Variants in NOTCH1 observed in about 807,000 individuals in gnomAD.
The protein encoded by NOTCH1 is notch receptor 1.
Under a neutral mutation model 254.8 loss-of-function variants are expected in NOTCH1, and 37 were observed. That is an observed-to-expected ratio of 0.15 (90% CI 0.11 to 0.19). NOTCH1 has a LOEUF of 0.19. Ranked by LOEUF, NOTCH1 falls within the 10% of genes least tolerant of loss-of-function variation. The pLI is 1.00. For missense variants in NOTCH1, 2,972 were observed against 3,708.6 expected (o/e 0.80, Z 5.16); for synonymous variants, 1,731 against 1,618.1 (o/e 1.07, Z -1.68).
intron 2 of NOTCH1, among the ~76,000 whole-genome samples, chr9:136,528,298 C>T (rs1367400533): frequency 7.1e-6 from 1 of 140,684 alleles, no homozygotes; most frequent in African/African-American, 2.7e-5. Flanking sequence ...GGCTCTGCAC[C>T]CGCCACAGGA....
At chr9:136,537,670 C>T (rs755979470) in intron 2 of NOTCH1, among the ~76,000 whole-genome samples, 9 of 152,248 alleles carry the variant, frequency 5.9e-5, no homozygotes, top group Non-Finnish European at 1.2e-4. Flanking sequence ...GTGGTGCACA[C>T]CTGTGGTCCC....
intron 17 of NOTCH1, 111 bp from the exon 18 acceptor site, chr9:136,510,072 C>A: frequency 9.8e-7 from 1 of 1,017,644 alleles, no homozygotes; most frequent in Non-Finnish European, 1.5e-6. Flanking sequence ...GTTGCCGAGG[C>A]TGCGGCAAGC....
At chr9:136,528,290 C>G (rs1193819330) in intron 2 of NOTCH1, among the ~76,000 whole-genome samples, 7 of 139,174 alleles carry the variant, frequency 5.0e-5, no homozygotes. Context: ...ATGTGGCTGG[C>G]TCTGCACCCG....
At position 136,540,340 on chromosome 9, in the gene NOTCH1, G is replaced by C. The variant is rs1220127751; in HGVS notation, c.140+3684C>G. On this transcript the variant is annotated intron_variant, in intron 2 of 33. Coordinates refer to ENST00000651671, the MANE Select transcript of NOTCH1 (RefSeq NM_017617.5). The surrounding 1 kb of genome is among the most constrained non-coding windows in gnomAD (Gnocchi z 4.4). Reference sequence around the variant, plus strand: ...TGTCTGTGAACTGGAGCCACCCTGGGAGATGGACTTCCCCGGAGCTGGAGC... The same window carrying C: ...TGTCTGTGAACTGGAGCCACCCTGGCAGATGGACTTCCCCGGAGCTGGAGC... Among the ~76,000 whole-genome samples, 2 of 152,148 alleles carry C rather than the reference G, an allele frequency of 1.3e-5. No homozygotes were observed. The highest frequency in any genetic ancestry group is 4.8e-5 in the African/African-American group (2 of 41,442).
intron 26 of NOTCH1, 30 bp downstream of exon 26, chr9:136,504,643 G>A (rs1481061554): frequency 1.3e-6 from 2 of 1,486,148 alleles, no homozygotes; most frequent in African/African-American, 1.4e-5. Context: ...GAGTTGCGGG[G>A]ATTGACCGTG....
At chr9:136,509,213 A>T in intron 18 of NOTCH1, 142 bp from the exon 19 acceptor site, 1 of 801,014 alleles carries the variant, frequency 1.2e-6, no homozygotes, top group Non-Finnish European at 2.0e-6. Context: ...AGCCTGGCTG[A>T]CCCAGGGAGG....
rs2133317761 is a variant in NOTCH1 at position 136,497,126 on chromosome 9, A to G, written c.6613T>C (p.Ser2205Pro). The change falls in exon 34 of 34, where the codon TCA becomes CCA. Residue 2205 changes from serine to proline, a missense_variant. Physicochemically the swap from Ser to Pro is moderately conservative, Grantham distance 74. Around this residue, in one of 8 missense-constraint regions of NOTCH1, gnomAD observed 529 missense variants for 529.2 expected, o/e 1.00. Coordinates refer to ENST00000651671, the MANE Select transcript of NOTCH1 (RefSeq NM_017617.5). ...GMLSPVDSLESPHGYLSDVAS... is the reference protein window; with the variant it reads ...GMLSPVDSLEPPHGYLSDVAS... Reference sequence around the variant, plus strand: ...ACGTCTGACAGGTAGCCATGGGGTGACTCCAGGGAGTCCACGGGCGAGAGC... The same window carrying G: ...ACGTCTGACAGGTAGCCATGGGGTGGCTCCAGGGAGTCCACGGGCGAGAGC... 1 of 1,612,334 alleles carries G rather than the reference A, an allele frequency of 6.2e-7. No homozygotes were observed. The highest frequency in any genetic ancestry group is 8.5e-7 in the Non-Finnish European group (1 of 1,179,748).
intron 2 of NOTCH1, among the ~76,000 whole-genome samples, chr9:136,542,255 G>A (rs1263104350): frequency 1.3e-5 from 2 of 152,144 alleles, no homozygotes; most frequent in Non-Finnish European, 2.9e-5. Flanking sequence ...TTCCCAGCAC[G>A]GTGTTCCTCC....
rs1292487339 is a variant in NOTCH1 at position 136,500,808 on chromosome 9, C to T, written c.5678G>A (p.Gly1893Asp). ...TPLMIASCSGGGLETGNSEEE... is the reference protein window; with the variant it reads ...TPLMIASCSGDGLETGNSEEE... ...CTCGCTGTTGCCCGTCTCCAGGCCG[C>T]CCCCGCTGCAGGAGGCGATCATGAG... Residue 1893 changes from glycine (G) to aspartate (D), a missense_variant, in exon 31 of 34, where the codon GGC becomes GAC. Physicochemically the swap from Gly to Asp is moderately conservative, Grantham distance 94 (BLOSUM62 -1). Transcript: ENST00000651671. The T allele has an allele frequency of 6.3e-7, 1 of 1,599,284 alleles. No individual in the cohort carries two copies. Among genetic ancestry groups the T allele is most frequent in the Middle Eastern group, 1.8e-4 (1 of 5,638 alleles).
intron 2 of NOTCH1, among the ~76,000 whole-genome samples, chr9:136,531,922 C>A (rs1589077647): frequency 6.6e-6 from 1 of 152,260 alleles, no homozygotes; most frequent in Non-Finnish European, 1.5e-5. Context: ...CACAGAGGGG[C>A]CTCCGAGCCC....
In NOTCH1 at chr9:136,503,134, G is replaced by A. The variant is rs771077251; in HGVS notation, c.5167+48C>T. 3.7e-6 allele frequency: 6 copies of A among 1,608,442 alleles called. No homozygotes were observed. The East Asian group carries it at 8.9e-5, about 24-fold the overall frequency. On this transcript the variant is annotated intron_variant, in intron 27 of 33. Coordinates refer to ENST00000651671, the MANE Select transcript of NOTCH1 (RefSeq NM_017617.5). ...CAGCGTGTCTGGGGCACGGGGGGAT[G>A]GCACCCCCTGCAGGCAGAGCCTGTT...
chr9:136,514,163 C>T (rs1372005672), intron 13 of NOTCH1, among the ~76,000 whole-genome samples: 2 of 152,210 alleles, frequency 1.3e-5, no homozygotes, highest in East Asian at 1.9e-4. Flanking sequence ...GGGGTCCCTG[C>T]TGATTTAAAT....
chr9:136,536,902 C>T (rs1002788279), intron 2 of NOTCH1, among the ~76,000 whole-genome samples: 1 of 152,272 alleles, frequency 6.6e-6, no homozygotes, highest in African/African-American at 2.4e-5. Context: ...TGCATTCTTA[C>T]AGCACCAGGC....
Position 136,499,590 on chromosome 9 carries a change from G to A in NOTCH1, c.5935-331C>T, listed in dbSNP as rs575006073. On this transcript the variant is annotated intron_variant, in intron 31 of 33. Coordinates refer to ENST00000651671, the MANE Select transcript of NOTCH1 (RefSeq NM_017617.5). ...AGGTCAAGTCCCTGCCCCCAACGGC[G>A]GTTACAGCTGGCACTCAGGAAGCCG... is the stretch of plus-strand genomic sequence containing the variant. 2.6e-5 allele frequency among the ~76,000 whole-genome samples: 4 copies of A among 152,332 alleles called. No homozygotes were observed. In the East Asian group the frequency reaches 7.7e-4, roughly 29 times the overall value.
At chr9:136,514,948 G>A (rs1181123796) in intron 12 of NOTCH1, among the ~76,000 whole-genome samples, 1 of 152,186 alleles carries the variant, frequency 6.6e-6, no homozygotes, top group Non-Finnish European at 1.5e-5. Context: ...ATGAGAATCT[G>A]AGGCCCAGAG....
At position 136,517,815 on chromosome 9, in the gene NOTCH1, G is replaced by A. The variant is rs1266989706; in HGVS notation, c.1378C>T (p.Pro460Ser). The A allele has an allele frequency of 6.2e-7, 1 of 1,612,726 alleles. No homozygotes were observed. Among genetic ancestry groups the A allele is most frequent in the Non-Finnish European group, 8.5e-7 (1 of 1,179,944 alleles). ...EIDVNECVSN[P>S]CQNDATCLDQ... Reference sequence around the variant, plus strand: ...AGGCAGGTGGCGTCGTTCTGGCACGGGTTCGAGACGCACTCGTTGACGTCG... The same window carrying A: ...AGGCAGGTGGCGTCGTTCTGGCACGAGTTCGAGACGCACTCGTTGACGTCG... Residue 460 changes from proline to serine, a missense_variant, in exon 8 of 34, where the codon CCG becomes TCG. By Grantham distance (74) the Pro-to-Ser change is moderately conservative (BLOSUM62 -1). Coordinates refer to ENST00000651671, the MANE Select transcript of NOTCH1 (RefSeq NM_017617.5).
intron 4 of NOTCH1, chr9:136,522,586 C>T (rs1215938957): frequency 6.0e-6 from 3 of 502,748 alleles, no homozygotes; most frequent in Non-Finnish European, 1.0e-5. Context: ...GGCAGGGCGT[C>T]CTACAGCTCG....
At chr9:136,532,101 C>A (rs1240602261) in intron 2 of NOTCH1, among the ~76,000 whole-genome samples, 1 of 152,214 alleles carries the variant, frequency 6.6e-6, no homozygotes, top group Non-Finnish European at 1.5e-5. Context: ...GAAGTGGGAT[C>A]CAGGCAGGTG....
Position 136,497,546 on chromosome 9 carries a change from G to A in NOTCH1, c.6193C>T (p.Leu2065=). The A allele has an allele frequency of 6.2e-7, 1 of 1,603,268 alleles. No individual in the cohort carries two copies. Among genetic ancestry groups the A allele is most frequent in the Non-Finnish European group, 8.5e-7 (1 of 1,175,700 alleles). ...DMQNNREETP[L]FLAAREGSYE... ...CTGCCCTCCCGGGCGGCCAGAAACA[G>A]GGGTGTCTCCTCCTGGGGGATGAGG... The change falls in exon 34 of 34, where the codon CTG becomes TTG. Residue 2065 remains leucine (L), a synonymous_variant. Coordinates refer to ENST00000651671, the MANE Select transcript of NOTCH1 (RefSeq NM_017617.5).
Sources: allele counts gnomAD v4.1 joint callset (sites outside exome capture counted in the v4.1 genomes callset), GRCh38; gene constraint gnomAD v4.1.1; regional missense constraint gnomAD v4.1.1; non-coding constraint Gnocchi (gnomAD v3.1); transcripts MANE v1.5; gene names NCBI Gene and HGNC (gene_info 2026-07-23, HGNC 2026-07-21).